The following NCOA6 variants were observed in gnomAD, a reference collection of about 807,000 sequenced individuals.
The protein encoded by NCOA6 is NRC RAP250.
A neutral mutation model predicts 171.4 loss-of-function variants in NCOA6; 49 were observed. That is an observed-to-expected ratio of 0.29 (90% CI 0.23 to 0.36). NCOA6 has a LOEUF of 0.36. Ranked by LOEUF, NCOA6 falls within the 10% of genes least tolerant of loss-of-function variation. The pLI is 1.00. For synonymous variants in NCOA6, 910 were observed against 927.5 expected (o/e 0.98, Z 0.34); for missense variants, 2,248 against 2,554.5 (o/e 0.88, Z 2.59).
intron 1 of NCOA6, chr20:34,821,084 G>A (rs550804087): frequency 1.3e-5 from 2 of 150,496 alleles, no homozygotes; most frequent in African/African-American, 4.9e-5. Flanking sequence ...GAGCCAAGAC[G>A]TTTATTCATT....
chr20:34,776,263 T>C (rs753656667), intron 4 of NCOA6, 30 bp downstream of exon 4: 8 of 1,607,984 alleles, frequency 5.0e-6, no homozygotes, highest in Non-Finnish European at 5.9e-6. Context: ...ATGATTCTGG[T>C]CTAGATGGGC....
chr20:34,742,857 AG>A lies in NCOA6; in HGVS notation c.3398del (p.Pro1133LeufsTer22). On this transcript the variant is annotated frameshift_variant, in exon 11 of 15. Transcript: ENST00000359003. LOFTEE classifies it high-confidence loss of function. ...SSPLAEMASL[P>X]EASGSEAPSV... ...ATGGTGCTTCACTGCCACTTGCTTC[AG>A]GGAGTGAGGCCATCTCCGCCAGTGG... 1 of 1,614,192 alleles carries A rather than the reference AG, an allele frequency of 6.2e-7. No individual in the cohort carries two copies. Among genetic ancestry groups the A allele is most frequent in the Non-Finnish European group, 8.5e-7 (1 of 1,180,026 alleles).
chr20:34,755,199 T>C (rs1375761034), intron 7 of NCOA6, among the ~76,000 whole-genome samples: 2 of 152,198 alleles, frequency 1.3e-5, no homozygotes, highest in Non-Finnish European at 2.9e-5. Flanking sequence ...TAATTAACAA[T>C]GGACCCCAAA....
chr20:34,825,172 A>G (rs889510264), intron 1 of NCOA6, among the ~76,000 whole-genome samples: 3 of 150,054 alleles, frequency 2.0e-5, no homozygotes, highest in African/African-American at 7.4e-5. Context: ...CCAGCCCTGC[A>G]CTCCCTCAGT....
At chr20:34,816,295 T>A (rs2078832400) in intron 1 of NCOA6, among the ~76,000 whole-genome samples, 1 of 152,158 alleles carries the variant, frequency 6.6e-6, no homozygotes, top group Admixed American at 6.6e-5. Context: ...TAGTCTTAAC[T>A]CTCAGTACCT....
In NCOA6 at chr20:34,749,689, T is replaced by G. The variant is rs747082333; in HGVS notation, c.2506A>C (p.Met836Leu). ...TNMVPPHVQA[M>L]QGNSASGNHF... is the part of the protein sequence containing the mutation. ...TTTCCCGAGGCACTGTTTCCCTGCA[T>G]GGCCTGCACATGAGGGGGGACCATG... The change falls in exon 9 of 15, where the codon ATG (methionine) becomes CTG (leucine). Residue 836 changes from methionine to leucine, a missense_variant. Physicochemically the swap from Met to Leu is conservative, Grantham distance 15. Coordinates refer to ENST00000359003, the MANE Select transcript of NCOA6 (RefSeq NM_014071.5). The G allele has an allele frequency of 6.2e-7, 1 of 1,614,184 alleles. No individual in the cohort carries two copies. The highest frequency in any genetic ancestry group is 2.2e-5 in the East Asian group (1 of 44,872).
intron 4 of NCOA6, among the ~76,000 whole-genome samples, chr20:34,770,899 G>T (rs1199466596): frequency 6.6e-6 from 1 of 152,006 alleles, no homozygotes; most frequent in Non-Finnish European, 1.5e-5. Context: ...CAAAGTGCTG[G>T]GATTACAGGC....
In NCOA6 at chr20:34,749,433, C is replaced by G. The variant is rs773179995; in HGVS notation, c.2762G>C (p.Arg921Pro). ...ANKPKKKKPP[R>P]KKKNSQQDLN... ...ATCTTGCTGACTATTTTTCTTCTTC[C>G]GAGGGGGTTTCTTCTTCTTCGGTTT... The change falls in exon 9 of 15, where the codon CGG (arginine) becomes CCG (proline). Residue 921 changes from arginine (R) to proline (P), a missense_variant. Arg to Pro is a moderately radical substitution (Grantham distance 103, BLOSUM62 -2). Coordinates refer to ENST00000359003, the MANE Select transcript of NCOA6 (RefSeq NM_014071.5). The G allele has an allele frequency of 6.2e-7, 1 of 1,610,086 alleles. No homozygotes were observed. The highest frequency in any genetic ancestry group is 8.5e-7 in the Non-Finnish European group (1 of 1,177,714).
intron 1 of NCOA6, among the ~76,000 whole-genome samples, chr20:34,823,869 A>AT (rs977258608): frequency 6.6e-6 from 1 of 151,948 alleles, no homozygotes; most frequent in African/African-American, 2.4e-5. Context: ...CAGGTGGCTA[A>AT]TTTTTTTTAT....
At chr20:34,762,544 C>T (rs940108076) in intron 5 of NCOA6, among the ~76,000 whole-genome samples, 33 of 151,688 alleles carry the variant, frequency 2.2e-4, no homozygotes, top group African/African-American at 8.0e-4. Flanking sequence ...CATGGTCATC[C>T]TCTTTAATCC....
At chr20:34,727,803 G>A (rs1990152079) in intron 13 of NCOA6, among the ~76,000 whole-genome samples, 1 of 149,744 alleles carries the variant, frequency 6.7e-6, no homozygotes, top group Non-Finnish European at 1.5e-5. Flanking sequence ...AGCTCACTGC[G>A]ACCCCTGCCT....
At chr20:34,751,108 C>T (rs899389054) in intron 8 of NCOA6, among the ~76,000 whole-genome samples, 1 of 150,698 alleles carries the variant, frequency 6.6e-6, no homozygotes, top group Non-Finnish European at 1.5e-5. Context: ...CGGTGGCTCA[C>T]GCCTGTAATC....
intron 9 of NCOA6, among the ~76,000 whole-genome samples, chr20:34,747,292 A>G (rs2076336604): frequency 6.6e-6 from 1 of 152,216 alleles, no homozygotes; most frequent in South Asian, 2.1e-4. Flanking sequence ...CAATGTAGCG[A>G]TCAAATTCAA....
chr20:34,800,361 A>G (rs915871444), intron 1 of NCOA6, among the ~76,000 whole-genome samples: 18 of 152,182 alleles, frequency 1.2e-4, no homozygotes, highest in African/African-American at 4.1e-4. Context: ...GGCAGGAATA[A>G]GTCCTTACTT....
intron 1 of NCOA6, among the ~76,000 whole-genome samples, chr20:34,794,794 C>T (rs936250008): frequency 2.0e-5 from 3 of 152,094 alleles, no homozygotes; most frequent in Non-Finnish European, 4.4e-5. Flanking sequence ...TACAAGAACA[C>T]AGGAGCCAGT....
chr20:34,801,846 C>A (rs544027294), intron 1 of NCOA6, among the ~76,000 whole-genome samples: 4 of 151,678 alleles, frequency 2.6e-5, no homozygotes, highest in Admixed American at 2.0e-4. Context: ...GCCTCGGCGA[C>A]AGAGACTCCA....
intron 7 of NCOA6, among the ~76,000 whole-genome samples, chr20:34,755,861 C>T (rs1273928539): frequency 6.6e-6 from 1 of 152,138 alleles, no homozygotes; most frequent in Admixed American, 6.5e-5. Context: ...CTCAGCCTCC[C>T]AAGTAGCTGG....
In NCOA6 at chr20:34,741,596, C is replaced by G; in HGVS notation, c.4660G>C (p.Glu1554Gln). 1 of 1,614,190 alleles carries G rather than the reference C, an allele frequency of 6.2e-7. No individual in the cohort carries two copies. Among genetic ancestry groups the G allele is most frequent in the South Asian group, 1.1e-5 (1 of 91,072 alleles). ...GGATGCACAAGGGATGAACACAGCT[C>G]ATTACTGTGAGGTAAGTTTAGGGAA... ...SNSLNLPHSN[E>Q]LCSSLVHPEL... The change falls in exon 11 of 15, where the codon GAG becomes CAG. Residue 1554 changes from glutamate (E) to glutamine (Q), a missense_variant. Glu to Gln is a conservative substitution (Grantham distance 29, BLOSUM62 2). Transcript: ENST00000359003.
chr20:34,758,214 G>T, intron 6 of NCOA6, 110 bp from the exon 7 acceptor site: 1 of 1,376,446 alleles, frequency 7.3e-7, no homozygotes, highest in South Asian at 1.5e-5. Context: ...GGTACTATTC[G>T]ATAAAATAAA....
Sources: gnomAD v4.1 joint callset for allele counts (sites outside exome capture counted in the v4.1 genomes callset) on GRCh38, gnomAD v4.1.1 for gene constraint, MANE v1.5 for transcripts, NCBI Gene and HGNC (gene_info 2026-07-23, HGNC 2026-07-21) for gene names.